IP6K1: variants seen among roughly 807,000 people sequenced by gnomAD.
IP6K1 encodes ATP:1D-myo-inositol-hexakisphosphate phosphotransferase.
IP6K1 carries 13 observed loss-of-function variants against 38.3 expected under a neutral mutation model. The observed-to-expected ratio is 0.34, with a 90% CI of 0.22 to 0.54. The LOEUF (loss-of-function observed/expected upper bound fraction) is 0.54, where lower values mean the gene tolerates loss of function less well. IP6K1 is among the 20% of genes least tolerant of loss of function. IP6K1 has a pLI of 0.92. For synonymous variants in IP6K1, 212 were observed against 229.9 expected, an observed-to-expected ratio of 0.92 and a Z score of 0.70; for missense variants, 397 against 599.8, an observed-to-expected ratio of 0.66 and a Z score of 3.53.
Position 49,762,413 on chromosome 3 carries a change from C to T in IP6K1, c.-128-14245G>A, listed in dbSNP as rs115513357. Among the ~76,000 whole-genome samples the T allele has an allele frequency of 3.2e-3, 481 of 152,218 alleles. 2 individuals carry two copies. Among genetic ancestry groups the T allele is most frequent in the African/African-American group, 0.011 (455 of 41,542 alleles). On this transcript the variant is annotated intron_variant, in intron 1 of 5. Transcript: ENST00000321599. ...AAAAATTAGCTGGCAAGGTGGCGGG[C>T]GCCTGTAATCATAGCTACTTGCCCT...
rs555131153 is a variant in IP6K1 at position 49,765,426 on chromosome 3, G to A, written c.-128-17258C>T. On this transcript the variant is annotated intron_variant, in intron 1 of 5. Transcript: ENST00000321599. The stretch of plus-strand genomic sequence containing the variant: ...GGAGGCCGCGGCAGGCAGATCATGA[G>A]GTCAGGAGATGGAGACCATCCTGGC... Among the ~76,000 whole-genome samples, 8 of 150,670 alleles carry A rather than the reference G, an allele frequency of 5.3e-5. No homozygotes were observed. The East Asian group carries it at 1.2e-3, about 22-fold the overall frequency.
At chr3:49,760,309 C>A (rs2080857004) in intron 1 of IP6K1, among the ~76,000 whole-genome samples, 1 of 152,164 alleles carries the variant, frequency 6.6e-6, no homozygotes, top group South Asian at 2.1e-4. Flanking sequence ...AACCCATCAA[C>A]AACTTCCCAA....
chr3:49,741,314 T>A (rs1189048473), intron 2 of IP6K1, among the ~76,000 whole-genome samples: 1 of 152,206 alleles, frequency 6.6e-6, no homozygotes. Context: ...TTGCCAACAG[T>A]TATTTCCCTT....
intron 1 of IP6K1, among the ~76,000 whole-genome samples, chr3:49,770,279 A>T (rs1394676187): frequency 2.0e-5 from 3 of 152,246 alleles, no homozygotes; most frequent in African/African-American, 7.2e-5. Context: ...ATAATACACA[A>T]GTCTTTTCAA....
intron 2 of IP6K1, among the ~76,000 whole-genome samples, chr3:49,740,199 C>G (rs1026933224): frequency 6.9e-6 from 1 of 145,468 alleles, no homozygotes; most frequent in African/African-American, 2.5e-5. Flanking sequence ...GTCAATAGAT[C>G]GATCGATAGA....
intron 1 of IP6K1, among the ~76,000 whole-genome samples, chr3:49,779,945 C>T (rs901161008): frequency 3.9e-5 from 6 of 152,122 alleles, no homozygotes; most frequent in Non-Finnish European, 5.9e-5. Context: ...GCTTCAACCT[C>T]CAAAAGTTCT....
At chr3:49,773,367 T>C (rs566335412) in intron 1 of IP6K1, among the ~76,000 whole-genome samples, 1 of 152,174 alleles carries the variant, frequency 6.6e-6, no homozygotes, top group East Asian at 1.9e-4. Context: ...TCCCAGCACT[T>C]TGGGAGGCCG....
At chr3:49,729,966 C>T (rs1449343666) in intron 4 of IP6K1, among the ~76,000 whole-genome samples, 1 of 152,090 alleles carries the variant, frequency 6.6e-6, no homozygotes. Flanking sequence ...AATCTCAGCT[C>T]ATTGCAACCT....
chr3:49,780,288 G>A (rs1314581557), intron 1 of IP6K1, among the ~76,000 whole-genome samples: 4 of 31,286 alleles, frequency 1.3e-4, no homozygotes, highest in African/African-American at 3.7e-4. Context: ...AGTAGCACAC[G>A]AGAATCTTTA....
chr3:49,768,499 G>A (rs1014002879), intron 1 of IP6K1, among the ~76,000 whole-genome samples: 2 of 152,222 alleles, frequency 1.3e-5, no homozygotes, highest in African/African-American at 4.8e-5. Context: ...GCTGGGCACA[G>A]TTGCTTAAGC....
chr3:49,764,668 C>T (rs900273676), intron 1 of IP6K1, among the ~76,000 whole-genome samples: 2 of 152,002 alleles, frequency 1.3e-5, no homozygotes, highest in African/African-American at 2.4e-5. Context: ...CACTTGAGGT[C>T]GGGAGTTCAA....
chr3:49,745,094 C>T (rs1002647034), intron 2 of IP6K1, among the ~76,000 whole-genome samples: 10 of 138,816 alleles, frequency 7.2e-5, no homozygotes, highest in Non-Finnish European at 1.3e-4. Context: ...GTGTAAAAGA[C>T]AAAAAAAAAA....
intron 2 of IP6K1, among the ~76,000 whole-genome samples, chr3:49,740,225 A>ATCCTT (rs1553693842): frequency 7.6e-6 from 1 of 130,896 alleles, no homozygotes. Context: ...AAAATTTGCA[A>ATCCTT]TTCTTTTTTT....
chr3:49,729,139 T>C (rs2080541038), intron 4 of IP6K1, among the ~76,000 whole-genome samples: 1 of 152,124 alleles, frequency 6.6e-6, no homozygotes, highest in African/African-American at 2.4e-5. Flanking sequence ...GAACCTCTAG[T>C]CTACTTTCTG....
chr3:49,725,863 A>G lies in IP6K1; in HGVS notation c.*1259T>C, dbSNP rs1388864314. 6.6e-6 allele frequency: 1 copy of G among 152,330 alleles called. No homozygotes were observed. The highest frequency in any genetic ancestry group is 2.4e-5 in the African/African-American group (1 of 41,454). 9.4% of individuals were successfully genotyped at this position (152,330 alleles called of 1,614,324 possible). Reference sequence around the variant, plus strand: ...CAGGGAAACACCAATTTATTCTGCTATCAGGTCTTTATAAAAAGGCAACAC... The same window carrying G: ...CAGGGAAACACCAATTTATTCTGCTGTCAGGTCTTTATAAAAAGGCAACAC... On this transcript the variant is annotated 3_prime_UTR_variant, in exon 6 of 6. Coordinates refer to ENST00000321599, the MANE Select transcript of IP6K1 (RefSeq NM_153273.4).
intron 2 of IP6K1, among the ~76,000 whole-genome samples, chr3:49,744,061 T>C (rs1284167699): frequency 1.3e-5 from 2 of 152,118 alleles, no homozygotes; most frequent in African/African-American, 2.4e-5. Flanking sequence ...GTCTGCCTAA[T>C]GGTGACTTCT....
At chr3:49,777,550 G>A (rs1430315203) in intron 1 of IP6K1, among the ~76,000 whole-genome samples, 4 of 150,824 alleles carry the variant, frequency 2.7e-5, no homozygotes, top group South Asian at 4.2e-4. Flanking sequence ...GAGACAGAGC[G>A]AGACTCTATC....
chr3:49,748,295 T>A (rs973808378), intron 1 of IP6K1, 127 bp from the exon 2 acceptor site: 10 of 503,036 alleles, frequency 2.0e-5, no homozygotes, highest in African/African-American at 1.7e-4. Context: ...GCACGTACAA[T>A]ACTACGTGGC....
At chr3:49,739,043 C>A (rs2080641820) in intron 2 of IP6K1, among the ~76,000 whole-genome samples, 1 of 152,126 alleles carries the variant, frequency 6.6e-6, no homozygotes, top group African/African-American at 2.4e-5. Context: ...TTTGTAGTGT[C>A]TTCTGGATCT....
Sources: gnomAD v4.1 joint callset for allele counts (sites outside exome capture counted in the v4.1 genomes callset) on GRCh38, gnomAD v4.1.1 for gene constraint, MANE v1.5 for transcripts, NCBI Gene and HGNC (gene_info 2026-07-23, HGNC 2026-07-21) for gene names.